COL27A1: variants seen among roughly 807,000 people sequenced by gnomAD.
COL27A1 encodes the protein collagen alpha-1(XXVII) chain.
Under a neutral mutation model 251.3 loss-of-function variants are expected in COL27A1, and 106 were observed. That is an observed-to-expected ratio of 0.42 (90% confidence interval 0.36 to 0.50). COL27A1 has a LOEUF of 0.50. COL27A1 is among the 20% of genes least tolerant of loss of function. The pLI, the probability that COL27A1 is intolerant of heterozygous loss-of-function variation, is 0.00. For missense variants in COL27A1, 2,325 were observed against 2,522.8 expected, an observed-to-expected ratio of 0.92 and a Z score of 1.68; for synonymous variants, 1,000 against 986.3, an observed-to-expected ratio of 1.01 and a Z score of -0.26.
chr9:114,310,622 G>C lies in COL27A1; in HGVS notation c.5510G>C (p.Ser1837Thr). The change falls in exon 61 of 61, where the codon AGT becomes ACT. Residue 1837 changes from serine (S) to threonine (T), a missense_variant. By Grantham distance (58) the Ser-to-Thr change is moderately conservative. This residue lies in a region of COL27A1 where 327 missense variants were observed against 442.8 expected (regional missense o/e 0.74). Transcript: ENST00000356083. Reference protein sequence around the residue: ...TQDPQQLPIISVDNLPPASSG... With the variant: ...TQDPQQLPIITVDNLPPASSG... ...GACCCCCAACAGCTGCCCATCATCAGTGTGGACAACCTCCCTCCTGCCTCA... is the reference window on the plus strand; with the variant it reads ...GACCCCCAACAGCTGCCCATCATCACTGTGGACAACCTCCCTCCTGCCTCA... 1 of 1,614,230 alleles carries C rather than the reference G, an allele frequency of 6.2e-7. No individual in the cohort carries two copies. Among genetic ancestry groups the C allele is most frequent in the Non-Finnish European group, 8.5e-7 (1 of 1,180,036 alleles).
intron 1 of COL27A1, among the ~76,000 whole-genome samples, chr9:114,161,238 C>T (rs1848477778): frequency 6.6e-6 from 1 of 152,156 alleles, no homozygotes; most frequent in Non-Finnish European, 1.5e-5. Context: ...TGAAGAAAAC[C>T]TTCTCTGTCC....
intron 37 of COL27A1, 70 bp downstream of exon 37, chr9:114,275,838 G>C (rs1478062523): frequency 1.9e-6 from 2 of 1,050,430 alleles, no homozygotes; most frequent in Non-Finnish European, 2.7e-6. Context: ...TGTGCAGGCG[G>C]CTGGGCGGGA....
In COL27A1 at chr9:114,178,292, G is replaced by T. The variant is rs1224681540; in HGVS notation, c.1910G>T (p.Gly637Val). ...PGPKGDCGLP[G>V]PPGLPGLPGI... ...GCTGTCTTCTTGTTTTCTCCTCAGG[G>T]TCCCCCTGGGCTACCTGGGCTACCT... Residue 637 changes from glycine (G) to valine (V), a missense_variant and splice_region_variant, in exon 4 of 61, where the codon GGT becomes GTT. Physicochemically the swap from Gly to Val is moderately radical, Grantham distance 109. Transcript: ENST00000356083. 3.1e-6 allele frequency: 5 copies of T among 1,613,800 alleles called. No individual in the cohort carries two copies. Among genetic ancestry groups the T allele is most frequent in the East Asian group, 4.5e-5 (2 of 44,882 alleles).
chr9:114,218,487 G>A (rs1052566401), intron 12 of COL27A1: 1 of 152,180 alleles, frequency 6.6e-6, no homozygotes, highest in Non-Finnish European at 1.5e-5. Flanking sequence ...TTGCCTAACC[G>A]AGTCTCAATT....
intron 41 of COL27A1, among the ~76,000 whole-genome samples, 155 bp downstream of exon 41, chr9:114,284,932 T>C (rs1361503077): frequency 6.6e-6 from 1 of 152,224 alleles, no homozygotes; most frequent in African/African-American, 2.4e-5. Context: ...TCACTGCCAC[T>C]GTGCCCAGCC....
At chr9:114,264,809 G>C in intron 29 of COL27A1, 115 bp from the exon 30 acceptor site, 1 of 1,107,940 alleles carries the variant, frequency 9.0e-7, no homozygotes, top group South Asian at 1.5e-5. Context: ...TGGAAAGGGG[G>C]CAGACTCTGT....
chr9:114,181,230 C>T (rs758356291), intron 4 of COL27A1, among the ~76,000 whole-genome samples: 3 of 152,056 alleles, frequency 2.0e-5, no homozygotes, highest in Non-Finnish European at 4.4e-5. Flanking sequence ...CAGGTTCTGT[C>T]GCGTGCCAGG....
At chr9:114,308,491 A>C (rs1588909301) in intron 59 of COL27A1, among the ~76,000 whole-genome samples, 1 of 152,194 alleles carries the variant, frequency 6.6e-6, no homozygotes, top group Non-Finnish European at 1.5e-5. Flanking sequence ...GCCAGTAGCC[A>C]GGTCTTTGTT....
intron 34 of COL27A1, 137 bp from the exon 35 acceptor site, chr9:114,269,104 G>C: frequency 1.7e-6 from 1 of 574,142 alleles, no homozygotes; most frequent in Non-Finnish European, 3.1e-6. Context: ...CGATTTCTCT[G>C]TGGTCCCTGG....
rs530481148 is a variant in COL27A1 at position 114,226,531 on chromosome 9, C to G, written c.2466+4264C>G. On this transcript the variant is annotated intron_variant, in intron 14 of 60. Coordinates refer to ENST00000356083, the MANE Select transcript of COL27A1 (RefSeq NM_032888.4). ...GTACTATATCCCCAGCTCCTCAAGACTTCTGTGCTGAACAGAGATAGCGTG... is the reference window on the plus strand; with the variant it reads ...GTACTATATCCCCAGCTCCTCAAGAGTTCTGTGCTGAACAGAGATAGCGTG... 5.3e-4 allele frequency among the ~76,000 whole-genome samples: 80 copies of G among 152,358 alleles called. 1 individual carries two copies. Among genetic ancestry groups the G allele is most frequent in the Non-Finnish European group, 9.0e-4 (61 of 68,042 alleles).
intron 1 of COL27A1, among the ~76,000 whole-genome samples, chr9:114,160,444 C>T (rs1441050015): frequency 2.0e-5 from 3 of 152,026 alleles, no homozygotes; most frequent in Non-Finnish European, 4.4e-5. Context: ...TGTGAGCCAC[C>T]GTGCCCGGCC....
chr9:114,267,666 T>G (rs1834838891), intron 34 of COL27A1, 109 bp downstream of exon 34: 2 of 1,031,720 alleles, frequency 1.9e-6, no homozygotes, highest in Admixed American at 5.5e-5. Flanking sequence ...GCTGGGATAA[T>G]GGGTTCTCTG....
chr9:114,166,863 G>C (rs915566190), intron 2 of COL27A1, among the ~76,000 whole-genome samples: 5 of 152,196 alleles, frequency 3.3e-5, no homozygotes, highest in Admixed American at 2.6e-4. Context: ...ATATCCATAC[G>C]CTTTGCCAGG....
rs780893271 is a variant in COL27A1, at chr9:114,307,658, G to A, written c.5108-11G>A. ...GATACATACATCACCTCCATCCCACGCTGCCTGCAGGTACCTACTGGGTGG... is the reference window on the plus strand; with the variant it reads ...GATACATACATCACCTCCATCCCACACTGCCTGCAGGTACCTACTGGGTGG... On this transcript the variant is annotated splice_polypyrimidine_tract_variant and intron_variant, in intron 58 of 60. Transcript: ENST00000356083. The A allele has an allele frequency of 8.2e-5, 131 of 1,592,562 alleles. No homozygotes were observed. The highest frequency in any genetic ancestry group is 5.6e-4 in the South Asian group (51 of 90,616).
At chr9:114,298,183 G>A (rs1828384121) in intron 49 of COL27A1, among the ~76,000 whole-genome samples, 1 of 150,412 alleles carries the variant, frequency 6.6e-6, no homozygotes, top group Admixed American at 6.6e-5. Flanking sequence ...ATTTCAAAAT[G>A]TTGATGAAAT....
In COL27A1 at chr9:114,243,930, T is replaced by C. The variant is rs1288345894; in HGVS notation, c.2934+370T>C. Among the ~76,000 whole-genome samples the C allele has an allele frequency of 6.8e-4, 96 of 141,828 alleles. 1 individual carries two copies. Among genetic ancestry groups the C allele is most frequent in the African/African-American group, 2.1e-3 (71 of 34,232 alleles). The allele number at this position is 141,828 out of a possible 152,430, so 93.0% of individuals were successfully genotyped here. A position where few individuals can be genotyped will look rare whatever the true frequency, so the allele number is the denominator to read the frequency against. ...CGTTTCTGTTTTTTTCTTTCATTTT[T>C]TTTTTTTTTTTTTTGAGATGGAGTC... On this transcript the variant is annotated intron_variant, in intron 23 of 60. Coordinates refer to ENST00000356083, the MANE Select transcript of COL27A1 (RefSeq NM_032888.4).
At chr9:114,212,922 C>G (rs1235481340) in intron 12 of COL27A1, among the ~76,000 whole-genome samples, 1 of 152,176 alleles carries the variant, frequency 6.6e-6, no homozygotes, top group African/African-American at 2.4e-5. Context: ...CTTGCTTAGG[C>G]GATCTCAGCT....
chr9:114,263,203 C>T (rs534021283), intron 28 of COL27A1, among the ~76,000 whole-genome samples: 1 of 152,302 alleles, frequency 6.6e-6, no homozygotes, highest in Admixed American at 6.5e-5. Flanking sequence ...TCCCAAAGTG[C>T]TGGGATTACA....
rs1474033775 is a variant in COL27A1, at chr9:114,311,405, G to T, written c.*710G>T. The T allele has an allele frequency of 6.6e-6, 1 of 151,814 alleles. No homozygotes were observed. Among genetic ancestry groups the T allele is most frequent in the Non-Finnish European group, 1.5e-5 (1 of 67,962 alleles). The allele number at this position is 151,814 out of a possible 1,614,324, so 9.4% of individuals were successfully genotyped here. ...CTACCATTATTTTGCCACAGACTTT[G>T]AAGAAACTTTTGGATGTGGGGCATC... On this transcript the variant is annotated 3_prime_UTR_variant, in exon 61 of 61. Coordinates refer to ENST00000356083, the MANE Select transcript of COL27A1 (RefSeq NM_032888.4).
Sources: allele counts gnomAD v4.1 joint callset (sites outside exome capture counted in the v4.1 genomes callset), GRCh38; gene constraint gnomAD v4.1.1; regional missense constraint gnomAD v4.1.1; transcripts MANE v1.5; gene names NCBI Gene and HGNC (gene_info 2026-07-23, HGNC 2026-07-21).